The following IRAG1 variants were observed in gnomAD, a reference collection of about 807,000 sequenced individuals.
The protein encoded by IRAG1 is inositol 1,4,5-triphosphate receptor associated 1, also known as IP3R-associated cGMP kinase substrate.
A neutral mutation model predicts 106.2 loss-of-function variants in IRAG1; 62 were observed. The ratio of observed to expected loss-of-function variants is 0.58; its 90% CI spans 0.48 to 0.72. The LOEUF (loss-of-function observed/expected upper bound fraction) is 0.72. IRAG1 is among the 30% of genes least tolerant of loss of function. The pLI, the probability that IRAG1 is intolerant of heterozygous loss-of-function variation, is 0.00. For missense variants in IRAG1, 1,064 were observed against 1,140.7 expected, an observed-to-expected ratio of 0.93 and a Z score of 0.97; for synonymous variants, 462 against 443.9, an observed-to-expected ratio of 1.04 and a Z score of -0.51.
rs1177930367 is a variant in IRAG1 at position 10,628,619 on chromosome 11, C to G, written c.652+132G>C. 1 of 745,702 alleles carries G rather than the reference C, an allele frequency of 1.3e-6. No homozygotes were observed. The highest frequency in any genetic ancestry group is 2.1e-6 in the Non-Finnish European group (1 of 480,750). The allele number at this position is 745,702 out of a possible 1,614,324, so 46.2% of individuals were successfully genotyped here. A position where few individuals can be genotyped will look rare whatever the true frequency, so the allele number is the denominator to read the frequency against. The stretch of plus-strand genomic sequence containing the variant: ...GCCCCCCCTGGAGAGGGGTCTTGCT[C>G]TGGGTGTGAAGGGGCCATCAGAGTT... On this transcript the variant is annotated intron_variant, in intron 6 of 20. Coordinates refer to ENST00000423302, the MANE Select transcript of IRAG1 (RefSeq NM_130385.4). This position sits in a 1 kb window ranked among gnomAD's most constrained non-coding sequence, Gnocchi z 4.1.
chr11:10,626,606 G>A (rs541916009), intron 8 of IRAG1, 23 bp from the exon 9 acceptor site: 1 of 1,568,334 alleles, frequency 6.4e-7, no homozygotes, highest in Admixed American at 1.8e-5. Flanking sequence ...AGGTAGAGCT[G>A]GAACCCTCGG....
intron 1 of IRAG1, among the ~76,000 whole-genome samples, chr11:10,683,947 A>T (rs1224987283): frequency 6.6e-6 from 1 of 152,120 alleles, no homozygotes; most frequent in African/African-American, 2.4e-5. Context: ...TTCTTTAAAA[A>T]TTTCTATTTT....
chr11:10,597,682 TAAAA>T (rs1159585408), intron 15 of IRAG1, among the ~76,000 whole-genome samples: 1 of 152,202 alleles, frequency 6.6e-6, no homozygotes, highest in African/African-American at 2.4e-5. Context: ...AAGCTTATCT[TAAAA>T]AAATTGTCAG....
rs141774957 is a variant in IRAG1 at position 10,657,479 on chromosome 11, C to T, written c.68-5297G>A. Among the ~76,000 whole-genome samples, 323 of 152,250 alleles carry T rather than the reference C, an allele frequency of 2.1e-3. 1 individual carries two copies. The highest frequency in any genetic ancestry group is 0.02 in the Middle Eastern group (6 of 294). On this transcript the variant is annotated intron_variant, in intron 1 of 20. Transcript: ENST00000423302. The surrounding 1 kb of genome is among the most constrained non-coding windows in gnomAD (Gnocchi z 4.1). ...ACCACAGTATCCCAGGAGCACAGCC[C>T]GTAAGCTAAGCGGCTCTCAGATTCT...
At chr11:10,592,159 G>T (rs1038736866) in intron 17 of IRAG1, among the ~76,000 whole-genome samples, 1 of 152,114 alleles carries the variant, frequency 6.6e-6, no homozygotes, top group Admixed American at 6.5e-5. Flanking sequence ...GGTTCTCAAT[G>T]TTGGCTGCAC....
rs923950269 is a variant in IRAG1, at chr11:10,575,372, G to A, written c.*960C>T. On this transcript the variant is annotated 3_prime_UTR_variant, in exon 21 of 21. Transcript: ENST00000423302. ...CATTCACCTGTGAGGTGGGTTAACTGTTTTCAAAGAGAGAATAGGGAATAG... is the reference window on the plus strand; with the variant it reads ...CATTCACCTGTGAGGTGGGTTAACTATTTTCAAAGAGAGAATAGGGAATAG... 6.6e-6 allele frequency: 1 copy of A among 152,248 alleles called. No homozygotes were observed. The highest frequency in any genetic ancestry group is 2.4e-5 in the African/African-American group (1 of 41,464). 9.4% of individuals were successfully genotyped at this position (152,248 alleles called of 1,614,324 possible).
chr11:10,581,795 C>T, intron 19 of IRAG1, 72 bp downstream of exon 19: 1 of 1,560,400 alleles, frequency 6.4e-7, no homozygotes, highest in East Asian at 2.3e-5. Context: ...CTCTAAGAAA[C>T]AAGAAAGACC....
intron 18 of IRAG1, among the ~76,000 whole-genome samples, chr11:10,586,470 T>G (rs1852012797): frequency 6.7e-6 from 1 of 148,410 alleles, no homozygotes; most frequent in Non-Finnish European, 1.5e-5. Flanking sequence ...CAGGCTGGAG[T>G]GCAGTGGCAT....
chr11:10,590,295 A>G (rs1311613158), intron 18 of IRAG1, among the ~76,000 whole-genome samples: 1 of 152,174 alleles, frequency 6.6e-6, no homozygotes, highest in Admixed American at 6.5e-5. Flanking sequence ...GAGAGACCCC[A>G]AGAGACCCTC....
At chr11:10,661,488 C>T (rs1173025794) in intron 1 of IRAG1, among the ~76,000 whole-genome samples, 1 of 152,210 alleles carries the variant, frequency 6.6e-6, no homozygotes, top group Admixed American at 6.5e-5. Flanking sequence ...AAATCCATCT[C>T]AGCAGGCTAA....
intron 2 of IRAG1, among the ~76,000 whole-genome samples, chr11:10,639,394 A>G (rs1178084786): frequency 2.0e-5 from 3 of 152,252 alleles, no homozygotes; most frequent in Non-Finnish European, 1.5e-5. Flanking sequence ...CTAACAGTCT[A>G]TGGTTGGGAG....
intron 1 of IRAG1, among the ~76,000 whole-genome samples, chr11:10,653,612 C>T (rs1050340435): frequency 1.3e-5 from 2 of 151,708 alleles, no homozygotes; most frequent in South Asian, 4.2e-4. Flanking sequence ...CTCACTTTGC[C>T]ACTCACTGGC....
intron 10 of IRAG1, among the ~76,000 whole-genome samples, chr11:10,614,650 C>T (rs1564908557): frequency 1.3e-5 from 2 of 152,152 alleles, no homozygotes; most frequent in Non-Finnish European, 2.9e-5. Context: ...CATCTACAAC[C>T]ATCTGATCTT....
In IRAG1 at chr11:10,657,712, C is replaced by T. The variant is rs1859029015; in HGVS notation, c.68-5530G>A. Among the ~76,000 whole-genome samples, 1 of 152,196 alleles carries T rather than the reference C, an allele frequency of 6.6e-6. No homozygotes were observed. Among genetic ancestry groups the T allele is most frequent in the Non-Finnish European group, 1.5e-5 (1 of 68,038 alleles). ...GTTGCTATTAATACCACGGGTCTATCTCTAGATGGACAACTGATGGGGGGA... is the reference window on the plus strand; with the variant it reads ...GTTGCTATTAATACCACGGGTCTATTTCTAGATGGACAACTGATGGGGGGA... On this transcript the variant is annotated intron_variant, in intron 1 of 20. Coordinates refer to ENST00000423302, the MANE Select transcript of IRAG1 (RefSeq NM_130385.4). The surrounding 1 kb of genome is among the most constrained non-coding windows in gnomAD (Gnocchi z 4.1).
At chr11:10,675,678 C>CTACCTCAGTGCTTT (rs1212693001) in intron 1 of IRAG1, among the ~76,000 whole-genome samples, 1 of 152,212 alleles carries the variant, frequency 6.6e-6, no homozygotes, top group Non-Finnish European at 1.5e-5. Context: ...CACTCTAGGC[C>CTACCTCAGTGCTTT]TACCTCAGTG....
chr11:10,599,089 C>A (rs1205980640), intron 15 of IRAG1, among the ~76,000 whole-genome samples: 1 of 152,194 alleles, frequency 6.6e-6, no homozygotes, highest in African/African-American at 2.4e-5. Flanking sequence ...ACACGTACAG[C>A]TATCGTTGAC....
intron 1 of IRAG1, among the ~76,000 whole-genome samples, chr11:10,689,926 C>A (rs1310148052): frequency 6.6e-6 from 1 of 152,072 alleles, no homozygotes; most frequent in African/African-American, 2.4e-5. Context: ...TTTATATCCA[C>A]TTCTATATTT....
intron 1 of IRAG1, among the ~76,000 whole-genome samples, chr11:10,689,034 ACACT>A (rs1861867583): frequency 6.6e-6 from 1 of 152,232 alleles, no homozygotes; most frequent in Non-Finnish European, 1.5e-5. Flanking sequence ...CACACGGTAC[ACACT>A]CACCAAGTGT....
intron 2 of IRAG1, 48 bp from the exon 3 acceptor site, chr11:10,634,119 C>T (rs1856951048): frequency 1.7e-6 from 2 of 1,179,404 alleles, no homozygotes; most frequent in Non-Finnish European, 2.5e-6. Context: ...GCTGGTGGGA[C>T]TTCCAGGGAC....
Sources: gnomAD v4.1 joint callset for allele counts (sites outside exome capture counted in the v4.1 genomes callset) on GRCh38, gnomAD v4.1.1 for gene constraint, Gnocchi (gnomAD v3.1) non-coding constraint, MANE v1.5 for transcripts, NCBI Gene and HGNC (gene_info 2026-07-23, HGNC 2026-07-21) for gene names.